The following GHITM variants were observed in gnomAD, a reference collection of about 807,000 sequenced individuals.
GHITM encodes growth hormone inducible transmembrane protein, also known as growth hormone-inducible transmembrane protein.
Under a neutral mutation model 38.7 loss-of-function variants are expected in GHITM, and 24 were observed. The ratio of observed to expected loss-of-function variants is 0.62; its 90% CI spans 0.45 to 0.87. The LOEUF (loss-of-function observed/expected upper bound fraction) is 0.87, where lower values mean the gene tolerates loss of function less well. Among genes scored for constraint, GHITM ranks in the 40% least tolerant of loss-of-function variants. The probability of loss-of-function intolerance (pLI) is 0.00; values close to 1 mark genes in which losing one functional copy is unlikely to be tolerated. For synonymous variants in GHITM, 154 were observed against 147.8 expected, an observed-to-expected ratio of 1.04 and a Z score of -0.30; for missense variants, 420 against 429.8, an observed-to-expected ratio of 0.98 and a Z score of 0.20.
chr10:84,150,357 A>G, intron 7 of GHITM, 114 bp downstream of exon 7: 2 of 877,144 alleles, frequency 2.3e-6, no homozygotes, highest in African/African-American at 1.7e-5. Context: ...TTAAAGATTT[A>G]TGCTAATTTG....
At chr10:84,146,149 A>G (rs1277450643) in intron 5 of GHITM, among the ~76,000 whole-genome samples, 1 of 152,198 alleles carries the variant, frequency 6.6e-6, no homozygotes, top group African/African-American at 2.4e-5. Context: ...CTAATTTCAG[A>G]GGTGACTTAC....
chr10:84,141,643 G>T lies in GHITM; in HGVS notation c.129+14G>T. Reference sequence around the variant, plus strand: ...ACACCTAGCAGGGTAAAGATAATCTGAATGTTTTTATATTGCTTCTTTTTC... The same window carrying T: ...ACACCTAGCAGGGTAAAGATAATCTTAATGTTTTTATATTGCTTCTTTTTC... On this transcript the variant is annotated intron_variant, in intron 2 of 8. Coordinates refer to ENST00000372134, the MANE Select transcript of GHITM (RefSeq NM_014394.3). 1 of 1,612,880 alleles carries T rather than the reference G, an allele frequency of 6.2e-7. No homozygotes were observed. The highest frequency in any genetic ancestry group is 8.5e-7 in the Non-Finnish European group (1 of 1,178,950).
intron 7 of GHITM, 76 bp from the exon 8 acceptor site, chr10:84,150,633 A>T: frequency 8.7e-7 from 1 of 1,146,258 alleles, no homozygotes; most frequent in Admixed American, 2.5e-5. Context: ...ATTTTTTTTT[A>T]AGTAATATAA....
At chr10:84,146,665 T>C (rs773654509) in intron 5 of GHITM, among the ~76,000 whole-genome samples, 109 of 152,320 alleles carry the variant, frequency 7.2e-4, no homozygotes, top group Non-Finnish European at 1.4e-3. Context: ...TTTAAAACAA[T>C]ACTTTTGTAA....
rs371661253 is a variant in GHITM at position 84,152,989 on chromosome 10, A to G, written c.*641A>G. ...GTTGCTTCTCAGTGCTCTCTTTCCA[A>G]TATAGATGTGGTCATGTTTGACTTG... On this transcript the variant is annotated 3_prime_UTR_variant, in exon 9 of 9. Transcript: ENST00000372134. 2.6e-5 allele frequency: 4 copies of G among 152,188 alleles called. No homozygotes were observed. Among genetic ancestry groups the G allele is most frequent in the East Asian group, 1.9e-4 (1 of 5,204 alleles). 9.4% of individuals were successfully genotyped at this position (152,188 alleles called of 1,614,324 possible).
At chr10:84,142,061 A>G (rs1017186737) in intron 2 of GHITM, among the ~76,000 whole-genome samples, 1 of 152,224 alleles carries the variant, frequency 6.6e-6, no homozygotes, top group South Asian at 2.1e-4. Context: ...CCATTTTTAT[A>G]ATAGATTTAT....
At chr10:84,151,401 G>A (rs12261669) in intron 8 of GHITM, among the ~76,000 whole-genome samples, 1 of 151,976 alleles carries the variant, frequency 6.6e-6, no homozygotes. Flanking sequence ...TAATACTTAG[G>A]TATTCATTCC....
In GHITM at chr10:84,144,061, A is replaced by G; in HGVS notation, c.296A>G (p.Tyr99Cys). ...GTTGGTCTTGGAGCATTGTGCTACT[A>G]TGGCTTGGGACTGTCTAATGAGATT... ...AAVGLGALCY[Y>C]GLGLSNEIGA... is the part of the protein sequence containing the mutation. The change falls in exon 4 of 9, where the codon TAT becomes TGT. Residue 99 changes from tyrosine (Y) to cysteine (C), a missense_variant. Transcript: ENST00000372134. 1.2e-6 allele frequency: 2 copies of G among 1,613,974 alleles called. No individual in the cohort carries two copies. Among genetic ancestry groups the G allele is most frequent in the South Asian group, 1.1e-5 (1 of 91,082 alleles).
In GHITM at chr10:84,142,751, A is replaced by G. The variant is rs1047393140; in HGVS notation, c.226A>G (p.Lys76Glu). Reference protein sequence around the residue: ...ALEPSMEKIFKIDQMGRWFVA... With the variant: ...ALEPSMEKIFEIDQMGRWFVA... ...GGAACCATCGATGGAAAAAATATTT[A>G]AAAGTAGGTGGCTATCTTTAGTTTT... The change falls in exon 3 of 9, where the codon AAA becomes GAA. Residue 76 changes from lysine to glutamate, a missense_variant. Transcript: ENST00000372134. 3.2e-6 allele frequency: 5 copies of G among 1,547,274 alleles called. No homozygotes were observed. In the African/African-American group the frequency reaches 4.1e-5, roughly 13 times the overall value.
intron 1 of GHITM, among the ~76,000 whole-genome samples, chr10:84,140,784 G>A (rs559071081): frequency 1.3e-5 from 2 of 152,126 alleles, no homozygotes; most frequent in Admixed American, 1.3e-4. Context: ...AGACACCATC[G>A]AGGGAGTCTA....
chr10:84,151,281 CCA>C (rs747527247), intron 8 of GHITM, among the ~76,000 whole-genome samples: 74 of 152,182 alleles, frequency 4.9e-4, no homozygotes, highest in Admixed American at 1.4e-3. Context: ...ACAGCTCAAA[CCA>C]CACCAATGGC....
chr10:84,150,263 C>T lies in GHITM; in HGVS notation c.781+20C>T, dbSNP rs1413532301. 2 of 1,535,958 alleles carry T rather than the reference C, an allele frequency of 1.3e-6. No individual in the cohort carries two copies. On this transcript the variant is annotated intron_variant, in intron 7 of 8. Coordinates refer to ENST00000372134, the MANE Select transcript of GHITM (RefSeq NM_014394.3). ...CATTGGGTAAGCTGCTGTGTTTTAA[C>T]ACTTAATTCTTGGTGCATAGTTTCC...
intron 5 of GHITM, 21 bp from the exon 6 acceptor site, chr10:84,148,709 T>G (rs1841581543): frequency 1.3e-6 from 2 of 1,493,238 alleles, no homozygotes; most frequent in Admixed American, 1.7e-5. Context: ...TCAGTTTTTC[T>G]TAATAGTACT....
rs866314154 is a variant in GHITM at position 84,151,860 on chromosome 10, G to A, written c.954-404G>A. 8.5e-5 allele frequency among the ~76,000 whole-genome samples: 13 copies of A among 152,242 alleles called. No homozygotes were observed. In the South Asian group the frequency reaches 1.2e-3, roughly 15 times the overall value. On this transcript the variant is annotated intron_variant, in intron 8 of 8. Transcript: ENST00000372134. ...AAGTTGCTGTACTGTAAAGCTTACA[G>A]ATTTGTAGAAGTTTTCTTTAGAGGG...
At chr10:84,147,035 T>C (rs1331616515) in intron 5 of GHITM, among the ~76,000 whole-genome samples, 1 of 152,038 alleles carries the variant, frequency 6.6e-6, no homozygotes, top group Non-Finnish European at 1.5e-5. Context: ...GAAGGAGATA[T>C]TCTTAGGCAT....
chr10:84,150,974 C>T, intron 8 of GHITM, 94 bp downstream of exon 8: 2 of 802,106 alleles, frequency 2.5e-6, no homozygotes, highest in East Asian at 5.0e-5. Flanking sequence ...TATTAGTTTT[C>T]TAGGGATACT....
intron 5 of GHITM, among the ~76,000 whole-genome samples, chr10:84,146,961 C>T (rs1841562407): frequency 6.6e-6 from 1 of 152,110 alleles, no homozygotes; most frequent in African/African-American, 2.4e-5. Context: ...TCTTGGGCAG[C>T]CAGGGTACCT....
intron 2 of GHITM, among the ~76,000 whole-genome samples, chr10:84,142,321 C>G (rs887419875): frequency 2.0e-5 from 3 of 152,144 alleles, no homozygotes; most frequent in African/African-American, 7.2e-5. Flanking sequence ...CAGATTCTCA[C>G]CCTGGTATTT....
chr10:84,149,747 G>A (rs567891360), intron 6 of GHITM, among the ~76,000 whole-genome samples: 1 of 152,162 alleles, frequency 6.6e-6, no homozygotes, highest in Non-Finnish European at 1.5e-5. Context: ...TTATATGAAT[G>A]TTGTAGAAAC....
Sources: gnomAD v4.1 joint callset for allele counts (sites outside exome capture counted in the v4.1 genomes callset) on GRCh38, gnomAD v4.1.1 for gene constraint, MANE v1.5 for transcripts, NCBI Gene and HGNC (gene_info 2026-07-23, HGNC 2026-07-21) for gene names.